PHAF1: variants seen among roughly 807,000 people sequenced by gnomAD.
The protein encoded by PHAF1 is phagophore assembly factor 1.
Under a neutral mutation model 63.1 loss-of-function variants are expected in PHAF1, and 23 were observed. The ratio of observed to expected loss-of-function variants is 0.36; its 90% CI spans 0.26 to 0.52. The LOEUF (loss-of-function observed/expected upper bound fraction) is 0.52. Ranked by LOEUF, PHAF1 falls within the 20% of genes least tolerant of loss-of-function variation. PHAF1 has a pLI of 0.93. For missense variants in PHAF1, 427 were observed against 517.2 expected, an observed-to-expected ratio of 0.83 and a Z score of 1.69; for synonymous variants, 167 against 185.0, an observed-to-expected ratio of 0.90 and a Z score of 0.79.
At chr16:67,110,308 G>C in intron 1 of PHAF1, 69 bp downstream of exon 1, 1 of 1,509,724 alleles carries the variant, frequency 6.6e-7, no homozygotes, top group Non-Finnish European at 9.0e-7. Context: ...CTTCCCACCT[G>C]TTCTCAGTCT....
At chr16:67,144,136 GGCCT>G (rs1963906859) in intron 10 of PHAF1, among the ~76,000 whole-genome samples, 154 bp from the exon 11 acceptor site, 1 of 151,956 alleles carries the variant, frequency 6.6e-6, no homozygotes. Flanking sequence ...AAAGCTGCTT[GGCCT>G]GTCCCCTGGA....
chr16:67,124,657 A>G (rs1864940008), intron 2 of PHAF1, among the ~76,000 whole-genome samples: 1 of 152,066 alleles, frequency 6.6e-6, no homozygotes, highest in South Asian at 2.1e-4. Flanking sequence ...GCTGAGGCAG[A>G]TGGATCACGA....
Position 67,131,275 on chromosome 16 carries a change from CT to C in PHAF1, c.232-3del, listed in dbSNP as rs752758473. 4.7e-5 allele frequency: 68 copies of C among 1,449,808 alleles called. No individual in the cohort carries two copies. Among genetic ancestry groups the C allele is most frequent in the Admixed American group, 1.4e-4 (7 of 49,906 alleles). 89.8% of individuals were successfully genotyped at this position (1,449,808 alleles called of 1,614,324 possible). ...TTTCAGAGCATTGACAACTCTTAAACTTTTTTTTAGGTGATCGAAGTATGTG... is the reference window on the plus strand; with the variant it reads ...TTTCAGAGCATTGACAACTCTTAAACTTTTTTTAGGTGATCGAAGTATGTG... On this transcript the variant is annotated splice_polypyrimidine_tract_variant and intron_variant, in intron 3 of 15. Coordinates refer to ENST00000219139, the MANE Select transcript of PHAF1 (RefSeq NM_025187.5).
intron 6 of PHAF1, 93 bp from the exon 7 acceptor site, chr16:67,134,075 C>A: frequency 9.2e-7 from 1 of 1,083,146 alleles, no homozygotes; most frequent in Non-Finnish European, 1.4e-6. Context: ...TTGACCTGAG[C>A]AGCTCTTGAA....
At chr16:67,139,946 A>G (rs1291879526) in intron 8 of PHAF1, 38 bp from the exon 9 acceptor site, 1 of 1,613,348 alleles carries the variant, frequency 6.2e-7, no homozygotes, top group East Asian at 2.2e-5. Flanking sequence ...TCTGGTCCTA[A>G]CCATAACCTG....
chr16:67,129,393 G>C (rs1424056653), intron 3 of PHAF1, among the ~76,000 whole-genome samples: 1 of 152,230 alleles, frequency 6.6e-6, no homozygotes, highest in Non-Finnish European at 1.5e-5. Flanking sequence ...GCCTAGCAGA[G>C]GGAGCAGTTC....
intron 6 of PHAF1, among the ~76,000 whole-genome samples, chr16:67,133,944 CAAAAAAAAAG>C (rs779999568): frequency 9.7e-5 from 14 of 144,436 alleles, no homozygotes; most frequent in South Asian, 6.5e-4. Flanking sequence ...GACTCCGTCT[CAAAAAAAAAG>C]AAAAAAAAAG....
At chr16:67,116,026 A>G (rs1962719504) in intron 1 of PHAF1, among the ~76,000 whole-genome samples, 1 of 152,204 alleles carries the variant, frequency 6.6e-6, no homozygotes, top group African/African-American at 2.4e-5. Context: ...TGCCACGTGG[A>G]TCAGAGAAGC....
chr16:67,137,562 G>A (rs1036222712), intron 8 of PHAF1, among the ~76,000 whole-genome samples: 2 of 151,862 alleles, frequency 1.3e-5, no homozygotes, highest in African/African-American at 2.4e-5. Context: ...CAAGTGATCC[G>A]CCCGCCTCAA....
Position 67,147,140 on chromosome 16 carries a change from C to T in PHAF1, c.*9C>T, listed in dbSNP as rs764365253. On this transcript the variant is annotated 3_prime_UTR_variant, in exon 16 of 16. Coordinates refer to ENST00000219139, the MANE Select transcript of PHAF1 (RefSeq NM_025187.5). The stretch of plus-strand genomic sequence containing the variant: ...CAGCGGAACTCCCCTAGGGACACCA[C>T]CACCCATGCCCCTCTGTCCCGTGGA... 5 of 1,597,290 alleles carry T rather than the reference C, an allele frequency of 3.1e-6. No individual in the cohort carries two copies. In the South Asian group the frequency reaches 5.5e-5, roughly 18 times the overall value.
intron 14 of PHAF1, 40 bp from the exon 15 acceptor site, chr16:67,146,238 C>A: frequency 6.4e-7 from 1 of 1,573,878 alleles, no homozygotes; most frequent in Non-Finnish European, 8.7e-7. Flanking sequence ...AAGGCCGTGG[C>A]CTCTGTCTGC....
At chr16:67,143,177 T>C (rs1400644672) in intron 10 of PHAF1, among the ~76,000 whole-genome samples, 1 of 152,092 alleles carries the variant, frequency 6.6e-6, no homozygotes, top group Admixed American at 6.5e-5. Flanking sequence ...GAGGGTGTAA[T>C]GGAAGCCAGG....
chr16:67,138,610 A>G (rs1368480720), intron 8 of PHAF1, among the ~76,000 whole-genome samples: 1 of 152,160 alleles, frequency 6.6e-6, no homozygotes, highest in African/African-American at 2.4e-5. Context: ...CTGTGCCACA[A>G]CCACTTCTAC....
intron 2 of PHAF1, among the ~76,000 whole-genome samples, chr16:67,122,478 C>T (rs1241888041): frequency 6.7e-6 from 1 of 149,920 alleles, no homozygotes; most frequent in Non-Finnish European, 1.5e-5. Context: ...GTAATCCTGG[C>T]TATTCAGGAG....
intron 10 of PHAF1, among the ~76,000 whole-genome samples, chr16:67,141,221 G>A (rs529934227): frequency 5.6e-4 from 86 of 152,324 alleles, no homozygotes; most frequent in African/African-American, 2.0e-3. Context: ...GCAAACAGTA[G>A]ATTTCACAGA....
At chr16:67,141,230 G>A (rs1322892220) in intron 10 of PHAF1, among the ~76,000 whole-genome samples, 1 of 152,202 alleles carries the variant, frequency 6.6e-6, no homozygotes, top group Non-Finnish European at 1.5e-5. Flanking sequence ...AGATTTCACA[G>A]AGGGAGTGAG....
In PHAF1 at chr16:67,147,027, G is replaced by C. The variant is rs755073752; in HGVS notation, c.1183-18G>C. The stretch of plus-strand genomic sequence containing the variant: ...CTTTACCTCTCCCCCTTGACCCACT[G>C]TCCTCTTCTCACACCAGGTCATGCA... On this transcript the variant is annotated intron_variant, in intron 15 of 15. Transcript: ENST00000219139. 8 of 1,603,620 alleles carry C rather than the reference G, an allele frequency of 5.0e-6. No homozygotes were observed. The East Asian group carries it at 1.8e-4, about 36-fold the overall frequency.
intron 2 of PHAF1, 56 bp downstream of exon 2, chr16:67,120,250 C>A: frequency 2.6e-6 from 4 of 1,510,330 alleles, no homozygotes; most frequent in Non-Finnish European, 3.7e-6. Flanking sequence ...TGAGTCACTT[C>A]CAGAGCTGAT....
chr16:67,117,955 ATTT>A (rs558113041), intron 1 of PHAF1, among the ~76,000 whole-genome samples: 1 of 128,964 alleles, frequency 7.8e-6, no homozygotes. Flanking sequence ...TGCCTGGCTG[ATTT>A]TTTTTTTTTT....
Sources: allele counts gnomAD v4.1 joint callset (sites outside exome capture counted in the v4.1 genomes callset), GRCh38; gene constraint gnomAD v4.1.1; transcripts MANE v1.5; gene names NCBI Gene and HGNC (gene_info 2026-07-23, HGNC 2026-07-21).